Variants in ADAM18 observed in about 807,000 individuals in gnomAD.
The protein encoded by ADAM18 is disintegrin and metalloproteinase domain-containing protein 18.
ADAM18 carries 117 observed loss-of-function variants against 94.4 expected under a neutral mutation model. The ratio of observed to expected loss-of-function variants is 1.24; its 90% CI spans 1.07 to 1.45. The LOEUF (loss-of-function observed/expected upper bound fraction) is 1.45. Among genes scored for constraint, ADAM18 ranks in the 40% most tolerant of loss-of-function variants. ADAM18 has a pLI of 0.00. For synonymous variants in ADAM18, 327 were observed against 291.6 expected, an observed-to-expected ratio of 1.12 and a Z score of -1.24; for missense variants, 936 against 880.0, an observed-to-expected ratio of 1.06 and a Z score of -0.81.
At chr8:39,668,218 T>C (rs2129580229) in intron 14 of ADAM18, 22 bp downstream of exon 14, 1 of 1,609,638 alleles carries the variant, frequency 6.2e-7, no homozygotes, top group Non-Finnish European at 8.5e-7. Context: ...TCTTTCGTAT[T>C]TATTTTACCT....
At chr8:39,692,847 T>TC in intron 17 of ADAM18, among the ~76,000 whole-genome samples, 167 bp downstream of exon 17, 2 of 151,702 alleles carry the variant, frequency 1.3e-5, no homozygotes, top group Non-Finnish European at 3.0e-5. Flanking sequence ...AAGTGAATTG[T>TC]ACCAGATACG....
intron 14 of ADAM18, among the ~76,000 whole-genome samples, chr8:39,673,205 A>C (rs1821204923): frequency 6.6e-6 from 1 of 152,202 alleles, no homozygotes; most frequent in Admixed American, 6.5e-5. Context: ...AAATGTAATC[A>C]GGTAGTAGAC....
intron 14 of ADAM18, among the ~76,000 whole-genome samples, chr8:39,676,215 T>C (rs1442783861): frequency 6.6e-6 from 1 of 152,230 alleles, no homozygotes; most frequent in African/African-American, 2.4e-5. Context: ...CTGCAGAAGT[T>C]GTCTGCTGTC....
At chr8:39,711,055 T>C (rs1241587128) in intron 18 of ADAM18, among the ~76,000 whole-genome samples, 1 of 152,210 alleles carries the variant, frequency 6.6e-6, no homozygotes, top group African/African-American at 2.4e-5. Context: ...TTGTTTGTGC[T>C]TGTTTCCTTT....
chr8:39,638,541 G>T lies in ADAM18; in HGVS notation c.904G>T (p.Ala302Ser). Reference protein sequence around the residue: ...VCNKSYDAGIAMYPDAIGLEG... With the variant: ...VCNKSYDAGISMYPDAIGLEG... Reference sequence around the variant, plus strand: ...CAATAAAAGCTATGATGCAGGTATTGCTATGGTATGTAATTTTTATTCTTC... The same window carrying T: ...CAATAAAAGCTATGATGCAGGTATTTCTATGGTATGTAATTTTTATTCTTC... Residue 302 changes from alanine (A) to serine (S), a missense_variant, in exon 10 of 20, where the codon GCT (alanine) becomes TCT (serine). Transcript: ENST00000265707. 1 of 1,547,854 alleles carries T rather than the reference G, an allele frequency of 6.5e-7. No individual in the cohort carries two copies.
intron 14 of ADAM18, among the ~76,000 whole-genome samples, chr8:39,670,222 G>T (rs911080689): frequency 6.6e-6 from 1 of 152,046 alleles, no homozygotes; most frequent in Admixed American, 6.6e-5. Flanking sequence ...TTAGCCCTTT[G>T]TCAGATGAGT....
intron 19 of ADAM18, among the ~76,000 whole-genome samples, chr8:39,726,298 A>G (rs1045265869): frequency 1.6e-4 from 24 of 151,230 alleles, no homozygotes; most frequent in African/African-American, 4.8e-4. Context: ...GTGTGTGTAT[A>G]TATATAATTT....
intron 17 of ADAM18, among the ~76,000 whole-genome samples, chr8:39,702,569 C>A (rs898721175): frequency 6.6e-6 from 1 of 152,122 alleles, no homozygotes; most frequent in Non-Finnish European, 1.5e-5. Context: ...GTGCCTATGT[C>A]TTGAATGATA....
chr8:39,718,204 C>G (rs1340857098), intron 18 of ADAM18, among the ~76,000 whole-genome samples: 1 of 151,466 alleles, frequency 6.6e-6, no homozygotes, highest in Non-Finnish European at 1.5e-5. Flanking sequence ...ATCCAGCCAT[C>G]CCACCAATGG....
Position 39,723,858 on chromosome 8 carries a change from A to G in ADAM18, c.2128A>G (p.Arg710Gly). The change falls in exon 19 of 20, where the codon AGA (arginine) becomes GGA (glycine). Residue 710 changes from arginine (R) to glycine (G), a missense_variant. Transcript: ENST00000265707. Reference sequence around the variant, plus strand: ...AGTTTTCACCACTGTGATCTTTAAAAGAAATGAAATAAGTAAATCATGTAA... The same window carrying G: ...AGTTTTCACCACTGTGATCTTTAAAGGAAATGAAATAAGTAAATCATGTAA... Reference protein sequence around the residue: ...FIVFTTVIFKRNEISKSCNRE... With the variant: ...FIVFTTVIFKGNEISKSCNRE... The G allele has an allele frequency of 1.3e-6, 2 of 1,572,936 alleles. No individual in the cohort carries two copies. The highest frequency in any genetic ancestry group is 1.7e-6 in the Non-Finnish European group (2 of 1,158,320).
intron 2 of ADAM18, among the ~76,000 whole-genome samples, chr8:39,595,802 G>A (rs757194262): frequency 1.3e-5 from 2 of 152,184 alleles, no homozygotes; most frequent in African/African-American, 2.4e-5. Flanking sequence ...GGGATTGCAG[G>A]AGTGAGCCAC....
At chr8:39,637,778 G>T (rs552094015) in intron 9 of ADAM18, 75 bp downstream of exon 9, 2 of 1,347,792 alleles carry the variant, frequency 1.5e-6, no homozygotes, top group Non-Finnish European at 2.0e-6. Flanking sequence ...AATTTATTGC[G>T]TTCTTCAGTT....
chr8:39,727,264 C>A (rs534088367), intron 19 of ADAM18, among the ~76,000 whole-genome samples: 1 of 152,298 alleles, frequency 6.6e-6, no homozygotes, highest in African/African-American at 2.4e-5. Flanking sequence ...ATGTTAATAT[C>A]TCTAGCAAGT....
At chr8:39,724,914 T>C (rs1225511539) in intron 19 of ADAM18, among the ~76,000 whole-genome samples, 2 of 150,440 alleles carry the variant, frequency 1.3e-5, no homozygotes, top group African/African-American at 2.4e-5. Context: ...GATCACAAAA[T>C]ATACTTCATT....
chr8:39,630,476 T>A (rs1358606505), intron 7 of ADAM18, among the ~76,000 whole-genome samples: 1 of 151,732 alleles, frequency 6.6e-6, no homozygotes, highest in African/African-American at 2.4e-5. Context: ...ATAGAATAGA[T>A]TTTTAGATGA....
At chr8:39,659,737 G>A (rs1290813628) in intron 12 of ADAM18, among the ~76,000 whole-genome samples, 1 of 152,002 alleles carries the variant, frequency 6.6e-6, no homozygotes, top group African/African-American at 2.4e-5. Context: ...ATATCTAATA[G>A]CAAGGGAACT....
intron 12 of ADAM18, among the ~76,000 whole-genome samples, chr8:39,651,365 G>A (rs1048139669): frequency 6.6e-6 from 1 of 152,140 alleles, no homozygotes; most frequent in South Asian, 2.1e-4. Flanking sequence ...GCTGGGGGAC[G>A]TTCAGGTCTT....
chr8:39,642,912 A>C (rs1272747017), intron 10 of ADAM18, among the ~76,000 whole-genome samples: 1 of 152,114 alleles, frequency 6.6e-6, no homozygotes, highest in African/African-American at 2.4e-5. Flanking sequence ...CTTTCTGTCC[A>C]TGAGCATGGG....
intron 17 of ADAM18, among the ~76,000 whole-genome samples, chr8:39,704,145 G>T (rs1822161865): frequency 6.6e-6 from 1 of 152,074 alleles, no homozygotes; most frequent in African/African-American, 2.4e-5. Flanking sequence ...AGATGAGCTA[G>T]TACAATTACT....
Sources: allele counts gnomAD v4.1 joint callset (sites outside exome capture counted in the v4.1 genomes callset), GRCh38; gene constraint gnomAD v4.1.1; transcripts MANE v1.5; gene names NCBI Gene and HGNC (gene_info 2026-07-23, HGNC 2026-07-21).